The following CCSER1 variants were observed in gnomAD, a reference collection of about 807,000 sequenced individuals.
CCSER1 encodes the protein coiled-coil serine rich protein 1, also known as serine-rich coiled-coil domain-containing protein 1.
A neutral mutation model predicts 82.0 loss-of-function variants in CCSER1; 41 were observed. The observed-to-expected ratio is 0.50, with a 90% CI of 0.39 to 0.65. The LOEUF is 0.65. CCSER1 is among the 30% of genes least tolerant of loss of function. CCSER1 has a pLI of 0.00. For missense variants in CCSER1, 1,119 were observed against 1,064.2 expected, an observed-to-expected ratio of 1.05 and a Z score of -0.72; for synonymous variants, 414 against 383.9, an observed-to-expected ratio of 1.08 and a Z score of -0.92.
intron 3 of CCSER1, among the ~76,000 whole-genome samples, chr4:90,361,331 C>T (rs766076140): frequency 9.9e-5 from 15 of 152,202 alleles, no homozygotes; most frequent in Non-Finnish European, 2.1e-4. Context: ...TTCTGCTCCA[C>T]CTCTCCCTCT....
chr4:91,058,909 A>T (rs1402411268), intron 9 of CCSER1, among the ~76,000 whole-genome samples: 1 of 151,996 alleles, frequency 6.6e-6, no homozygotes, highest in African/African-American at 2.4e-5. Context: ...CACAAGCATC[A>T]TTTGCACTGA....
rs566334801 is a variant in CCSER1 at position 90,691,107 on chromosome 4, GACA to G, written c.1933-32801_1933-32799del. Among the ~76,000 whole-genome samples, 954 of 152,058 alleles carry G rather than the reference GACA, an allele frequency of 6.3e-3. 13 individuals carry two copies. Among genetic ancestry groups the G allele is most frequent in the African/African-American group, 0.022 (898 of 41,510 alleles). On this transcript the variant is annotated intron_variant, in intron 6 of 10. Transcript: ENST00000509176. ...GAGACATGATAGGTCTTTAGTAGAT[GACA>G]ACAACTATTAATAAGAACAATAAAA...
At chr4:91,414,671 A>G (rs1753246809) in intron 10 of CCSER1, among the ~76,000 whole-genome samples, 3 of 152,192 alleles carry the variant, frequency 2.0e-5, no homozygotes, top group African/African-American at 4.8e-5. Flanking sequence ...CCTATGAGAG[A>G]CCAACTTTAG....
At position 90,860,107 on chromosome 4, in the gene CCSER1, TAA is replaced by T. The variant is rs1218634546; in HGVS notation, c.2094+44263_2094+44264del. Among the ~76,000 whole-genome samples the T allele has an allele frequency of 2.0e-5, 3 of 151,672 alleles. No individual in the cohort carries two copies. The East Asian group carries it at 5.8e-4, about 29-fold the overall frequency. The stretch of plus-strand genomic sequence containing the variant: ...AACTGTTTGAAAATCATGTATCTGA[TAA>T]GAGACTTATATCCAGAATACATAAA... On this transcript the variant is annotated intron_variant, in intron 8 of 10. Coordinates refer to ENST00000509176, the MANE Select transcript of CCSER1 (RefSeq NM_001145065.2).
intron 10 of CCSER1, among the ~76,000 whole-genome samples, chr4:91,350,813 C>T (rs1330299485): frequency 2.0e-5 from 3 of 151,810 alleles, no homozygotes; most frequent in Admixed American, 2.0e-4. Context: ...ATTAAGCACA[C>T]AGTAGGCTAT....
At chr4:90,673,350 T>A (rs1045614849) in intron 6 of CCSER1, among the ~76,000 whole-genome samples, 2 of 151,990 alleles carry the variant, frequency 1.3e-5, no homozygotes, top group African/African-American at 4.8e-5. Context: ...AAGTGTCCCT[T>A]CTCTGGGAAA....
chr4:91,121,613 A>G (rs975655732), intron 10 of CCSER1, among the ~76,000 whole-genome samples: 1 of 151,722 alleles, frequency 6.6e-6, no homozygotes, highest in Non-Finnish European at 1.5e-5. Context: ...TTTTTCAAAT[A>G]TGCACTATTA....
At chr4:90,532,229 C>T (rs1341029427) in intron 5 of CCSER1, among the ~76,000 whole-genome samples, 1 of 152,152 alleles carries the variant, frequency 6.6e-6, no homozygotes, top group African/African-American at 2.4e-5. Context: ...GCACACTTTC[C>T]ATTTTCTCAC....
rs567440367 is a variant in CCSER1, at chr4:91,149,107, A to G, written c.2217+63113A>G. On this transcript the variant is annotated intron_variant, in intron 10 of 10. Transcript: ENST00000509176. ...GTTTACAGTCCCACCAACAGTGCAA[A>G]AGTGTTCCTATTCCTCCACATCCTC... Among the ~76,000 whole-genome samples, 3 of 152,218 alleles carry G rather than the reference A, an allele frequency of 2.0e-5. No individual in the cohort carries two copies. The East Asian group carries it at 5.8e-4, about 29-fold the overall frequency.
intron 6 of CCSER1, among the ~76,000 whole-genome samples, chr4:90,703,124 C>A (rs548403436): frequency 5.9e-5 from 9 of 152,156 alleles, no homozygotes; most frequent in African/African-American, 2.2e-4. Flanking sequence ...CTATAAATTT[C>A]CCTCTACACA....
chr4:90,550,569 A>T (rs962143619), intron 5 of CCSER1, among the ~76,000 whole-genome samples: 1 of 152,176 alleles, frequency 6.6e-6, no homozygotes, highest in African/African-American at 2.4e-5. Context: ...ATTGAGGCAA[A>T]CAAGTTTTTG....
At chr4:90,817,838 G>C (rs1034978613) in intron 8 of CCSER1, among the ~76,000 whole-genome samples, 5 of 152,114 alleles carry the variant, frequency 3.3e-5, no homozygotes, top group Admixed American at 6.5e-5. Context: ...GGAAAATTTT[G>C]GTCCTCCTAT....
chr4:91,135,336 T>C (rs1728368388), intron 10 of CCSER1, among the ~76,000 whole-genome samples: 2 of 152,114 alleles, frequency 1.3e-5, no homozygotes, highest in Admixed American at 1.3e-4. Context: ...AGGTAAGATT[T>C]AGGAACTGCT....
intron 10 of CCSER1, among the ~76,000 whole-genome samples, chr4:91,136,117 A>G (rs890928329): frequency 6.6e-6 from 1 of 152,202 alleles, no homozygotes; most frequent in Non-Finnish European, 1.5e-5. Flanking sequence ...TTTGTCATCC[A>G]AAATTCCTCA....
intron 10 of CCSER1, among the ~76,000 whole-genome samples, chr4:91,565,170 T>A (rs1032739694): frequency 2.7e-4 from 41 of 151,750 alleles, no homozygotes; most frequent in African/African-American, 9.7e-4. Context: ...TTTTCCCCAT[T>A]GCTTGGTTTT....
At chr4:91,370,563 CACA>C (rs1400934739) in intron 10 of CCSER1, among the ~76,000 whole-genome samples, 2 of 151,724 alleles carry the variant, frequency 1.3e-5, no homozygotes, top group African/African-American at 2.4e-5. Flanking sequence ...GGCGTGGTAG[CACA>C]ACATCTATAG....
chr4:90,432,406 T>G (rs1263573358), intron 4 of CCSER1, among the ~76,000 whole-genome samples: 3 of 152,280 alleles, frequency 2.0e-5, no homozygotes, highest in Admixed American at 1.3e-4. Flanking sequence ...GTTCTGACAC[T>G]AACTTTGTGA....
chr4:90,128,696 T>TCTG (rs1343680016), intron 1 of CCSER1, among the ~76,000 whole-genome samples: 1 of 152,102 alleles, frequency 6.6e-6, no homozygotes. Flanking sequence ...GAATGGTGCT[T>TCTG]CTGCGTGCGT....
At chr4:90,718,201 A>G (rs1741992329) in intron 6 of CCSER1, among the ~76,000 whole-genome samples, 1 of 152,108 alleles carries the variant, frequency 6.6e-6, no homozygotes, top group South Asian at 2.1e-4. Flanking sequence ...ACACATTTAA[A>G]AGGGGGAAAT....
Sources: allele counts gnomAD v4.1 joint callset (sites outside exome capture counted in the v4.1 genomes callset), GRCh38; gene constraint gnomAD v4.1.1; transcripts MANE v1.5; gene names NCBI Gene and HGNC (gene_info 2026-07-23, HGNC 2026-07-21).